SRGAP3: variants seen among roughly 807,000 people sequenced by gnomAD.
SRGAP3 encodes SLIT-ROBO Rho GTPase-activating protein 3.
A neutral mutation model predicts 121.1 loss-of-function variants in SRGAP3; 39 were observed. The ratio of observed to expected loss-of-function variants is 0.32; its 90% CI spans 0.25 to 0.42. The LOEUF (loss-of-function observed/expected upper bound fraction) is 0.42, where lower values mean the gene tolerates loss of function less well. Among genes scored for constraint, SRGAP3 ranks in the 10% least tolerant of loss-of-function variants. SRGAP3 has a pLI of 1.00. For missense variants in SRGAP3, 1,213 were observed against 1,470.6 expected (o/e 0.82, Z 2.86); for synonymous variants, 601 against 570.0 (o/e 1.05, Z -0.77).
chr3:8,996,747 A>C (rs1191224361), intron 18 of SRGAP3, among the ~76,000 whole-genome samples: 1 of 152,218 alleles, frequency 6.6e-6, no homozygotes, highest in Non-Finnish European at 1.5e-5. Context: ...GCCTCGTTAC[A>C]AGAGTCAGAA....
intron 3 of SRGAP3, among the ~76,000 whole-genome samples, chr3:9,322,886 A>C (rs1955460719): frequency 6.6e-6 from 1 of 151,960 alleles, no homozygotes; most frequent in Non-Finnish European, 1.5e-5. Context: ...CTGTACGTGA[A>C]TGTTTCTAGC....
intron 2 of SRGAP3, among the ~76,000 whole-genome samples, chr3:9,114,399 T>C (rs766098114): frequency 6.6e-6 from 1 of 152,238 alleles, no homozygotes; most frequent in African/African-American, 2.4e-5. Flanking sequence ...AAACAGCCTA[T>C]GATAAGTGTT....
chr3:9,223,360 C>G (rs1196547294), intron 1 of SRGAP3, among the ~76,000 whole-genome samples: 2 of 152,086 alleles, frequency 1.3e-5, no homozygotes, highest in African/African-American at 4.8e-5. Flanking sequence ...AAAAGAGTAC[C>G]TAGGTTAATA....
chr3:9,058,297 A>G lies in SRGAP3; in HGVS notation c.977T>C (p.Phe326Ser). Residue 326 changes from phenylalanine to serine, a missense_variant, in exon 7 of 22, where the codon TTC becomes TCC. Physicochemically the swap from Phe to Ser is radical, Grantham distance 155 (BLOSUM62 -2). This residue lies in a region of SRGAP3 where 793 missense variants were observed against 1,032.9 expected (regional missense o/e 0.77). Coordinates refer to ENST00000383836, the MANE Select transcript of SRGAP3 (RefSeq NM_014850.4). ...GAACTCGAACTTGAGTGGAGGGCAGAAGACTTGATTGCACATGTCCATGAC... is the reference window on the plus strand; with the variant it reads ...GAACTCGAACTTGAGTGGAGGGCAGGAGACTTGATTGCACATGTCCATGAC... ...HTVMDMCNQV[F>S]CPPLKFEFQP... The G allele has an allele frequency of 6.2e-7, 1 of 1,614,260 alleles. No homozygotes were observed.
intron 18 of SRGAP3, among the ~76,000 whole-genome samples, chr3:9,004,335 G>A (rs1942941340): frequency 6.6e-6 from 1 of 152,114 alleles, no homozygotes; most frequent in Non-Finnish European, 1.5e-5. Flanking sequence ...CTACTAAGAG[G>A]GTGATATTTC....
intron 12 of SRGAP3, 107 bp from the exon 13 acceptor site, chr3:9,027,102 G>T: frequency 9.9e-7 from 1 of 1,011,070 alleles, no homozygotes; most frequent in Non-Finnish European, 1.6e-6. Context: ...AGTACCATCA[G>T]ATTAGTAGGA....
chr3:9,325,516 T>C (rs1424529103), intron 3 of SRGAP3, among the ~76,000 whole-genome samples: 2 of 151,966 alleles, frequency 1.3e-5, no homozygotes, highest in Admixed American at 6.5e-5. Flanking sequence ...CTGTTATGTA[T>C]GATGGCCTTT....
At chr3:9,100,326 A>G (rs1454440434) in intron 3 of SRGAP3, among the ~76,000 whole-genome samples, 1 of 151,764 alleles carries the variant, frequency 6.6e-6, no homozygotes, top group Non-Finnish European at 1.5e-5. Flanking sequence ...TCAACACCCA[A>G]CTCCAGGGGC....
intron 1 of SRGAP3, among the ~76,000 whole-genome samples, chr3:9,244,097 C>A (rs1044518059): frequency 1.3e-5 from 2 of 152,146 alleles, no homozygotes; most frequent in South Asian, 4.1e-4. Context: ...TTGAAACCAG[C>A]GAGCATTCCT....
At chr3:9,311,901 T>A (rs936617779) in intron 3 of SRGAP3, among the ~76,000 whole-genome samples, 2 of 152,226 alleles carry the variant, frequency 1.3e-5, no homozygotes, top group African/African-American at 4.8e-5. Flanking sequence ...CTGATAGGAT[T>A]GAACAGAAAG....
At chr3:8,994,252 TG>T in intron 19 of SRGAP3, 90 bp downstream of exon 19, 1 of 1,536,878 alleles carries the variant, frequency 6.5e-7, no homozygotes, top group Non-Finnish European at 8.9e-7. Context: ...AGCAAATTGC[TG>T]GCATACAAGC....
intron 2 of SRGAP3, among the ~76,000 whole-genome samples, chr3:9,124,185 G>A (rs1442848070): frequency 6.6e-6 from 1 of 152,198 alleles, no homozygotes; most frequent in Admixed American, 6.5e-5. Context: ...ATGACAGTTT[G>A]TGCATCGAAA....
Position 8,985,332 on chromosome 3 carries a change from TG to T in SRGAP3, c.*186del. ...CGTCTGTTGACACGCGAGAGGTCCGTGGGATTCCCATGGCTGGACGTGAGCT... is the reference window on the plus strand; with the variant it reads ...CGTCTGTTGACACGCGAGAGGTCCGTGGATTCCCATGGCTGGACGTGAGCT... On this transcript the variant is annotated 3_prime_UTR_variant, in exon 22 of 22. Coordinates refer to ENST00000383836, the MANE Select transcript of SRGAP3 (RefSeq NM_014850.4). This position sits in a 1 kb window ranked among gnomAD's most constrained non-coding sequence, Gnocchi z 5.1. The T allele has an allele frequency of 7.7e-7, 1 of 1,300,580 alleles. No individual in the cohort carries two copies. Among genetic ancestry groups the T allele is most frequent in the Non-Finnish European group, 1.0e-6 (1 of 986,842 alleles). The allele number at this position is 1,300,580 out of a possible 1,614,324, so 80.6% of individuals were successfully genotyped here. A position where few individuals can be genotyped will look rare whatever the true frequency, so the allele number is the denominator to read the frequency against.
chr3:9,334,735 C>A (rs58935188), intron 1 of SRGAP3, among the ~76,000 whole-genome samples: 131 of 152,176 alleles, frequency 8.6e-4, no homozygotes, highest in African/African-American at 2.6e-3. Context: ...AGTCAACTAC[C>A]CAAATGGAAA....
intron 1 of SRGAP3, among the ~76,000 whole-genome samples, chr3:9,240,992 A>T (rs1953615907): frequency 6.6e-6 from 1 of 152,114 alleles, no homozygotes; most frequent in Non-Finnish European, 1.5e-5. Context: ...GACCCACCCC[A>T]CACTTCCCCC....
chr3:9,162,627 A>G (rs1950636508), intron 1 of SRGAP3, among the ~76,000 whole-genome samples: 1 of 152,224 alleles, frequency 6.6e-6, no homozygotes, highest in Non-Finnish European at 1.5e-5. Context: ...AGGGAAAAGG[A>G]TGACCTGGCA....
At chr3:9,060,162 C>A in intron 6 of SRGAP3, 69 bp downstream of exon 6, 2 of 1,611,300 alleles carry the variant, frequency 1.2e-6, no homozygotes, top group Non-Finnish European at 8.5e-7. Flanking sequence ...CCAGCCCCTC[C>A]TTCAGCCAGT....
chr3:9,191,296 C>G (rs1341303058), intron 1 of SRGAP3, among the ~76,000 whole-genome samples: 2 of 152,152 alleles, frequency 1.3e-5, no homozygotes, highest in African/African-American at 4.8e-5. Context: ...AATATGCTGC[C>G]CAAATTTCTC....
chr3:8,985,304 G>A lies in SRGAP3; in HGVS notation c.*215C>T. On this transcript the variant is annotated 3_prime_UTR_variant, in exon 22 of 22. Coordinates refer to ENST00000383836, the MANE Select transcript of SRGAP3 (RefSeq NM_014850.4). The surrounding 1 kb of genome is among the most constrained non-coding windows in gnomAD (Gnocchi z 5.1). Reference sequence around the variant, plus strand: ...GCTGCTGGAGCTCCAGCACTCCTCTGGTCGTCTGTTGACACGCGAGAGGTC... The same window carrying A: ...GCTGCTGGAGCTCCAGCACTCCTCTAGTCGTCTGTTGACACGCGAGAGGTC... 2 of 1,054,206 alleles carry A rather than the reference G, an allele frequency of 1.9e-6. No individual in the cohort carries two copies. The highest frequency in any genetic ancestry group is 1.3e-6 in the Non-Finnish European group (1 of 766,300). 65.3% of individuals were successfully genotyped at this position (1,054,206 alleles called of 1,614,324 possible).
Sources: gnomAD v4.1 joint callset for allele counts (sites outside exome capture counted in the v4.1 genomes callset) on GRCh38, gnomAD v4.1.1 for gene constraint, gnomAD v4.1.1 regional missense constraint, Gnocchi (gnomAD v3.1) non-coding constraint, MANE v1.5 for transcripts, NCBI Gene and HGNC (gene_info 2026-07-23, HGNC 2026-07-21) for gene names.